KIAA0232: variants seen among roughly 807,000 people sequenced by gnomAD.
KIAA0232 encodes uncharacterized protein KIAA0232.
In KIAA0232, 27 loss-of-function variants were observed where a neutral mutation model predicts 122.0. The ratio of observed to expected loss-of-function variants is 0.22; its 90% CI spans 0.16 to 0.31. The LOEUF is 0.31. Among genes scored for constraint, KIAA0232 ranks in the 10% least tolerant of loss-of-function variants. The pLI, the probability that KIAA0232 is intolerant of heterozygous loss-of-function variation, is 1.00. For synonymous variants in KIAA0232, 613 were observed against 587.6 expected, an observed-to-expected ratio of 1.04 and a Z score of -0.63; for missense variants, 1,551 against 1,634.2, an observed-to-expected ratio of 0.95 and a Z score of 0.88.
At chr4:6,837,291 G>T (rs931227576) in intron 3 of KIAA0232, among the ~76,000 whole-genome samples, 1 of 151,746 alleles carries the variant, frequency 6.6e-6, no homozygotes, top group Non-Finnish European at 1.5e-5. Context: ...GCGGGGCAGA[G>T]ACGCTCCTCA....
At chr4:6,786,646 A>G (rs964509083) in intron 1 of KIAA0232, among the ~76,000 whole-genome samples, 2 of 152,366 alleles carry the variant, frequency 1.3e-5, no homozygotes, top group South Asian at 2.1e-4. Flanking sequence ...TGCCCACAAC[A>G]ACATTAGAAA....
intron 1 of KIAA0232, among the ~76,000 whole-genome samples, chr4:6,789,032 G>A (rs1716759620): frequency 6.6e-6 from 1 of 151,748 alleles, no homozygotes; most frequent in Non-Finnish European, 1.5e-5. Flanking sequence ...GTGCAGTGGC[G>A]CGATCTCGGC....
intron 3 of KIAA0232, among the ~76,000 whole-genome samples, chr4:6,836,331 G>GTTTTTTTTTT (rs199902844): frequency 7.0e-6 from 1 of 142,640 alleles, no homozygotes; most frequent in African/African-American, 2.7e-5. Flanking sequence ...TTTGTTTTTT[G>GTTTTTTTTTT]TTTTGTTTTT....
chr4:6,843,328 T>C (rs1400469368), intron 4 of KIAA0232, among the ~76,000 whole-genome samples: 2 of 152,222 alleles, frequency 1.3e-5, no homozygotes, highest in East Asian at 1.9e-4. Flanking sequence ...CTTCCTGGAC[T>C]AATTGTTGAA....
At chr4:6,822,547 T>C (rs921415139) in intron 2 of KIAA0232, among the ~76,000 whole-genome samples, 2 of 152,160 alleles carry the variant, frequency 1.3e-5, no homozygotes, top group African/African-American at 4.8e-5. Flanking sequence ...AAGTTGAGTT[T>C]AGGAGGTTTA....
chr4:6,866,336 C>G (rs1721180844), intron 7 of KIAA0232: 1 of 512,356 alleles, frequency 2.0e-6, no homozygotes, highest in South Asian at 8.4e-5. Flanking sequence ...AAAAAATTCC[C>G]AGAGGACATT....
chr4:6,853,250 TA>T (rs1720390079), intron 4 of KIAA0232, among the ~76,000 whole-genome samples: 1 of 152,184 alleles, frequency 6.6e-6, no homozygotes, highest in Non-Finnish European at 1.5e-5. Flanking sequence ...TTAAAAATTA[TA>T]ACCATGATAA....
intron 7 of KIAA0232, among the ~76,000 whole-genome samples, chr4:6,865,192 CAAT>C (rs751607101): frequency 6.6e-4 from 101 of 152,278 alleles, no homozygotes; most frequent in Non-Finnish European, 1.2e-3. Flanking sequence ...ACACTTAAGA[CAAT>C]AAACTGTTTC....
At chr4:6,785,940 T>A (rs1174282112) in intron 1 of KIAA0232, among the ~76,000 whole-genome samples, 1 of 152,228 alleles carries the variant, frequency 6.6e-6, no homozygotes, top group Non-Finnish European at 1.5e-5. Context: ...CCTGTCTCAC[T>A]CCCACTCCCT....
intron 4 of KIAA0232, among the ~76,000 whole-genome samples, chr4:6,843,068 ATTC>A (rs1719750674): frequency 6.6e-6 from 1 of 152,184 alleles, no homozygotes; most frequent in Non-Finnish European, 1.5e-5. Flanking sequence ...ATATTATTTT[ATTC>A]TTTTAGCATT....
At chr4:6,838,868 C>G (rs1465168345) in intron 3 of KIAA0232, among the ~76,000 whole-genome samples, 1 of 152,028 alleles carries the variant, frequency 6.6e-6, no homozygotes, top group Non-Finnish European at 1.5e-5. Flanking sequence ...GTGGCTCACG[C>G]CTGTAATCCT....
Position 6,861,383 on chromosome 4 carries a change from T to A in KIAA0232, c.1001T>A (p.Leu334His). 2.5e-6 allele frequency: 4 copies of A among 1,614,180 alleles called. No homozygotes were observed. Among genetic ancestry groups the A allele is most frequent in the Non-Finnish European group, 3.4e-6 (4 of 1,180,028 alleles). Residue 334 changes from leucine (L) to histidine (H), a missense_variant, in exon 7 of 10, where the codon CTT becomes CAT. Coordinates refer to ENST00000307659, the MANE Select transcript of KIAA0232 (RefSeq NM_014743.3). ...AAAGGGCGGAATGGGCAAAGCAGGC[T>A]TTCTTTGAAGCACGGTGAAAAGGCT... Reference protein sequence around the residue: ...NKKGRNGQSRLSLKHGEKAER... With the variant: ...NKKGRNGQSRHSLKHGEKAER...
chr4:6,840,690 G>A (rs1044682271), intron 3 of KIAA0232, among the ~76,000 whole-genome samples: 1 of 150,472 alleles, frequency 6.6e-6, no homozygotes, highest in Non-Finnish European at 1.5e-5. Context: ...TTTGACAAAT[G>A]TCTAATATTT....
rs113097641 is a variant in KIAA0232 at position 6,824,871 on chromosome 4, T to G, written c.231+187T>G. Among the ~76,000 whole-genome samples the G allele has an allele frequency of 4.2e-3, 646 of 152,348 alleles. 2 individuals are homozygous for G. Among genetic ancestry groups the G allele is most frequent in the African/African-American group, 0.014 (600 of 41,580 alleles). On this transcript the variant is annotated intron_variant, in intron 3 of 9. Coordinates refer to ENST00000307659, the MANE Select transcript of KIAA0232 (RefSeq NM_014743.3). ...TCAGCCTGTGTCATTGAGCACCCTG[T>G]TAAGTGCAGTTATTTTCTCCATAGT...
In KIAA0232 at chr4:6,863,512, T is replaced by G. The variant is rs763899877; in HGVS notation, c.3130T>G (p.Leu1044Val). The G allele has an allele frequency of 6.2e-7, 1 of 1,614,220 alleles. No homozygotes were observed. The highest frequency in any genetic ancestry group is 1.3e-5 in the African/African-American group (1 of 75,062). ...TGAATACTCATTTTCTTCCTTTGAC[T>G]TAAGCAATCCATTTTCACAAGTTCT... ...GLEYSFSSFDLSNPFSQVLHV... is the reference protein window; with the variant it reads ...GLEYSFSSFDVSNPFSQVLHV... The change falls in exon 7 of 10, where the codon TTA (leucine) becomes GTA (valine). Residue 1044 changes from leucine to valine, a missense_variant. Leu to Val is a conservative substitution (Grantham distance 32). Around this residue, in one of 5 missense-constraint regions of KIAA0232, gnomAD observed 1,108 missense variants for 1,154.8 expected, o/e 0.96. Coordinates refer to ENST00000307659, the MANE Select transcript of KIAA0232 (RefSeq NM_014743.3).
intron 2 of KIAA0232, among the ~76,000 whole-genome samples, chr4:6,818,197 TC>T (rs1718228562): frequency 6.6e-6 from 1 of 151,688 alleles, no homozygotes; most frequent in Non-Finnish European, 1.5e-5. Context: ...GGTCAGGAGT[TC>T]AAGACCAGCC....
chr4:6,874,162 A>T (rs1240196723), intron 8 of KIAA0232, among the ~76,000 whole-genome samples: 4 of 152,200 alleles, frequency 2.6e-5, no homozygotes, highest in Non-Finnish European at 4.4e-5. Flanking sequence ...CTTGCTGCGC[A>T]TTCATATGTG....
At chr4:6,793,713 G>A (rs1438350768) in intron 1 of KIAA0232, among the ~76,000 whole-genome samples, 1 of 152,210 alleles carries the variant, frequency 6.6e-6, no homozygotes, top group African/African-American at 2.4e-5. Context: ...ATGGATAAGG[G>A]GAGAGTGAGC....
rs763312088 is a variant in KIAA0232 at position 6,862,120 on chromosome 4, T to G, written c.1738T>G (p.Phe580Val). The G allele has an allele frequency of 1.9e-6, 3 of 1,614,228 alleles. No homozygotes were observed. Among genetic ancestry groups the G allele is most frequent in the East Asian group, 2.2e-5 (1 of 44,880 alleles). Reference protein sequence around the residue: ...STSSVGAEGLFLQDLGNLAQF... With the variant: ...STSSVGAEGLVLQDLGNLAQF... ...CAGCTCCGTAGGTGCTGAGGGCTTA[T>G]TCCTGCAGGACCTTGGCAATCTGGC... Residue 580 changes from phenylalanine (F) to valine (V), a missense_variant, in exon 7 of 10, where the codon TTC becomes GTC. Transcript: ENST00000307659.
Sources: gnomAD v4.1 joint callset for allele counts (sites outside exome capture counted in the v4.1 genomes callset) on GRCh38, gnomAD v4.1.1 for gene constraint, gnomAD v4.1.1 regional missense constraint, MANE v1.5 for transcripts, NCBI Gene and HGNC (gene_info 2026-07-23, HGNC 2026-07-21) for gene names.